MAGI2: variants seen among roughly 807,000 people sequenced by gnomAD.
MAGI2 encodes membrane-associated guanylate kinase, WW and PDZ domain-containing protein 2.
In MAGI2, 35 loss-of-function variants were observed where a neutral mutation model predicts 133.3. The observed-to-expected ratio is 0.26, with a 90% CI of 0.20 to 0.35. The LOEUF (loss-of-function observed/expected upper bound fraction) is 0.35, where lower values mean the gene tolerates loss of function less well. Ranked by LOEUF, MAGI2 falls within the 10% of genes least tolerant of loss-of-function variation. The pLI is 1.00. For missense variants in MAGI2, 1,636 were observed against 1,863.4 expected (o/e 0.88, Z 2.25); for synonymous variants, 729 against 710.6 (o/e 1.03, Z -0.41).
chr7:79,283,255 C>G (rs1362128668), intron 1 of MAGI2, among the ~76,000 whole-genome samples: 1 of 152,000 alleles, frequency 6.6e-6, no homozygotes, highest in Non-Finnish European at 1.5e-5. Context: ...GTGTAAATGT[C>G]ACAGAGGACA....
intron 3 of MAGI2, among the ~76,000 whole-genome samples, chr7:78,537,591 T>C (rs1205710419): frequency 1.3e-5 from 2 of 152,222 alleles, no homozygotes; most frequent in African/African-American, 2.4e-5. Context: ...CATTTTCTGA[T>C]AATTAGTGAT....
At chr7:78,995,933 C>T (rs1806245675) in intron 2 of MAGI2, among the ~76,000 whole-genome samples, 1 of 152,118 alleles carries the variant, frequency 6.6e-6, no homozygotes, top group African/African-American at 2.4e-5. Context: ...TCCCACATGT[C>T]TTCAAAGATG....
chr7:78,920,513 T>G (rs184122286), intron 2 of MAGI2, among the ~76,000 whole-genome samples: 1 of 152,198 alleles, frequency 6.6e-6, no homozygotes, highest in African/African-American at 2.4e-5. Flanking sequence ...TTCTCTTATA[T>G]AGAGGAGTTA....
At chr7:79,215,217 C>T (rs926157123) in intron 1 of MAGI2, among the ~76,000 whole-genome samples, 3 of 151,896 alleles carry the variant, frequency 2.0e-5, no homozygotes, top group Admixed American at 6.6e-5. Context: ...AGACTCTTTG[C>T]AGCAATAAGA....
intron 1 of MAGI2, among the ~76,000 whole-genome samples, chr7:79,259,541 AC>A (rs903131449): frequency 3.9e-5 from 6 of 152,130 alleles, no homozygotes; most frequent in African/African-American, 1.4e-4. Context: ...AAAACTTTAG[AC>A]CCCCACTTCA....
intron 2 of MAGI2, among the ~76,000 whole-genome samples, chr7:78,771,947 T>C (rs1240888139): frequency 6.6e-6 from 1 of 152,142 alleles, no homozygotes; most frequent in Non-Finnish European, 1.5e-5. Context: ...ATAAATGTAA[T>C]AAATATAGCA....
intron 1 of MAGI2, among the ~76,000 whole-genome samples, chr7:79,154,644 C>T (rs917613942): frequency 1.3e-5 from 2 of 152,176 alleles, no homozygotes; most frequent in African/African-American, 2.4e-5. Flanking sequence ...GAGTTTTAAG[C>T]TGGCAATAAC....
At chr7:78,134,168 C>T (rs985456156) in intron 17 of MAGI2, 18 of 152,190 alleles carry the variant, frequency 1.2e-4, no homozygotes, top group African/African-American at 3.1e-4. Context: ...AAACCACCCC[C>T]GTTGAGAACT....
chr7:79,095,623 T>G (rs551285373), intron 1 of MAGI2, among the ~76,000 whole-genome samples: 29 of 151,852 alleles, frequency 1.9e-4, no homozygotes, highest in South Asian at 1.2e-3. Context: ...CCAACAAGAG[T>G]GAGATAAAGA....
intron 1 of MAGI2, among the ~76,000 whole-genome samples, chr7:79,200,178 C>T (rs183588203): frequency 3.4e-4 from 52 of 151,988 alleles, no homozygotes; most frequent in African/African-American, 1.1e-3. Flanking sequence ...TTGAGTTAAT[C>T]CTGTTTAAAT....
intron 2 of MAGI2, among the ~76,000 whole-genome samples, chr7:78,966,470 T>A (rs2115883105): frequency 6.6e-6 from 1 of 152,268 alleles, no homozygotes; most frequent in Middle Eastern, 3.4e-3. Flanking sequence ...CATAATATCC[T>A]AAAAGTTCAT....
chr7:78,596,406 G>A (rs1377266803), intron 3 of MAGI2, among the ~76,000 whole-genome samples: 1 of 152,140 alleles, frequency 6.6e-6, no homozygotes, highest in Admixed American at 6.5e-5. Flanking sequence ...TCAGTCCTCT[G>A]GCCCCAAGAG....
chr7:78,589,239 G>A (rs1803740337), intron 3 of MAGI2, among the ~76,000 whole-genome samples: 1 of 152,102 alleles, frequency 6.6e-6, no homozygotes, highest in Non-Finnish European at 1.5e-5. Flanking sequence ...CACTTACACG[G>A]TGCTGATTAT....
At chr7:78,546,971 A>C (rs1372667601) in intron 3 of MAGI2, among the ~76,000 whole-genome samples, 1 of 152,248 alleles carries the variant, frequency 6.6e-6, no homozygotes, top group Non-Finnish European at 1.5e-5. Context: ...AGTATTAACA[A>C]AGGGCATAGT....
At chr7:78,969,138 A>G (rs1402342889) in intron 2 of MAGI2, among the ~76,000 whole-genome samples, 2 of 152,004 alleles carry the variant, frequency 1.3e-5, no homozygotes, top group African/African-American at 4.8e-5. Context: ...ATGGCGCAGG[A>G]CAAGTAAAGC....
intron 3 of MAGI2, among the ~76,000 whole-genome samples, chr7:78,604,749 A>T (rs116727136): frequency 6.6e-6 from 1 of 152,234 alleles, no homozygotes; most frequent in African/African-American, 2.4e-5. Context: ...CTGTTTCAAT[A>T]TATTGTTGCT....
intron 6 of MAGI2, among the ~76,000 whole-genome samples, chr7:78,420,094 GGTGGA>G (rs757005948): frequency 9.2e-5 from 14 of 152,102 alleles, no homozygotes; most frequent in Non-Finnish European, 2.1e-4. Context: ...AACGATTTAG[GGTGGA>G]GTTAGTCCAG....
At position 79,028,147 on chromosome 7, in the gene MAGI2, G is replaced by A. The variant is rs1810086522; in HGVS notation, c.302-20941C>T. ...GAATCGCTTGAACCCGGGATGCGGAGGTTGCAGTGAACCAAAATCGCTCCA... is the reference window on the plus strand; with the variant it reads ...GAATCGCTTGAACCCGGGATGCGGAAGTTGCAGTGAACCAAAATCGCTCCA... On this transcript the variant is annotated intron_variant, in intron 1 of 21. Coordinates refer to ENST00000354212, the MANE Select transcript of MAGI2 (RefSeq NM_012301.4). Among the ~76,000 whole-genome samples the A allele has an allele frequency of 1.3e-5, 2 of 149,134 alleles. 1 individual carries two copies. Among genetic ancestry groups the A allele is most frequent in the African/African-American group, 4.9e-5 (2 of 40,442 alleles).
chr7:78,528,931 A>C (rs1797206210), intron 3 of MAGI2, among the ~76,000 whole-genome samples: 1 of 152,152 alleles, frequency 6.6e-6, no homozygotes, highest in Non-Finnish European at 1.5e-5. Context: ...TTAGAAATTC[A>C]GTGTTTAAGT....
Sources: gnomAD v4.1 joint callset for allele counts (sites outside exome capture counted in the v4.1 genomes callset) on GRCh38, gnomAD v4.1.1 for gene constraint, MANE v1.5 for transcripts, NCBI Gene and HGNC (gene_info 2026-07-23, HGNC 2026-07-21) for gene names.